OR1M1: variants seen among roughly 807,000 people sequenced by gnomAD.
The protein encoded by OR1M1 is olfactory receptor family 1 subfamily M member 1, also known as olfactory receptor 1M1.
For synonymous variants in OR1M1, 157 were observed against 165.5 expected (o/e 0.95, Z 0.39); for missense variants, 397 against 401.8 (o/e 0.99, Z 0.10).
chr19:9,091,115 C>A (rs1438557546), intron 1 of OR1M1, among the ~76,000 whole-genome samples: 2 of 151,682 alleles, frequency 1.3e-5, no homozygotes, highest in Admixed American at 6.6e-5. Context: ...TGCAGTGAGC[C>A]GAGATCGTGC....
rs1250756788 is a variant in OR1M1 at position 9,093,284 on chromosome 19, C to T, written c.40C>T (p.Leu14Phe). 1.2e-6 allele frequency: 2 copies of T among 1,613,112 alleles called. No homozygotes were observed. The highest frequency in any genetic ancestry group is 1.3e-5 in the African/African-American group (1 of 74,848). ...RNQTSASQFILLGLSEKPEQE... is the reference protein window; with the variant it reads ...RNQTSASQFIFLGLSEKPEQE... ...CCAAACCAGTGCATCTCAATTCATC[C>T]TCCTGGGACTCTCAGAAAAGCCAGA... is the stretch of plus-strand genomic sequence containing the variant. Residue 14 changes from leucine to phenylalanine, a missense_variant, in exon 2 of 2, where the codon CTC becomes TTC. Leu to Phe is a conservative substitution (Grantham distance 22). Coordinates refer to ENST00000641627, the MANE Select transcript of OR1M1 (RefSeq NM_001004456.2).
chr19:9,089,457 CT>C (rs2050281679), intron 1 of OR1M1, among the ~76,000 whole-genome samples: 1 of 136,390 alleles, frequency 7.3e-6, no homozygotes. Flanking sequence ...GAGTTTCGCT[CT>C]TGTCACCCCG....
chr19:9,088,136 C>T (rs1187057919), intron 1 of OR1M1, among the ~76,000 whole-genome samples: 1 of 152,150 alleles, frequency 6.6e-6, no homozygotes, highest in African/African-American at 2.4e-5. Context: ...GGTGATCCAC[C>T]CGCCTCAGCC....
rs923109114 is a variant in OR1M1, at chr19:9,094,153, G to T, written c.909G>T (p.Lys303Asn). The T allele has an allele frequency of 1.4e-5, 23 of 1,611,260 alleles. No homozygotes were observed. In the Admixed American group the frequency reaches 3.7e-4, roughly 26 times the overall value. ...GAGACCTGAAAGGGGCTCTCAGGAA[G>T]CTGGTCAACAGAAAGATCACCTCAT... ...RNRDLKGALR[K>N]LVNRKITSSS is the part of the protein sequence containing the mutation. The change falls in exon 2 of 2, where the codon AAG (lysine) becomes AAT (asparagine). Residue 303 changes from lysine to asparagine, a missense_variant. Lys to Asn is a moderately conservative substitution (Grantham distance 94). Coordinates refer to ENST00000641627, the MANE Select transcript of OR1M1 (RefSeq NM_001004456.2).
At chr19:9,088,009 G>A (rs918920548) in intron 1 of OR1M1, among the ~76,000 whole-genome samples, 1 of 151,994 alleles carries the variant, frequency 6.6e-6, no homozygotes, top group East Asian at 1.9e-4. Flanking sequence ...TCCTGCCTCA[G>A]CCTCCCAAGT....
rs2050273705 is a variant in OR1M1, at chr19:9,088,052, A to G, written c.-14+895A>G. 2.0e-5 allele frequency among the ~76,000 whole-genome samples: 3 copies of G among 151,636 alleles called. No homozygotes were observed. In the South Asian group the frequency reaches 6.3e-4, roughly 32 times the overall value. On this transcript the variant is annotated intron_variant, in intron 1 of 1. Transcript: ENST00000641627. ...ATTACAGATGCCCGCCACCACACCC[A>G]GCTAATTTTTGTATTTTTAGTGGAG...
intron 1 of OR1M1, among the ~76,000 whole-genome samples, chr19:9,091,059 C>G (rs1478544770): frequency 6.6e-6 from 1 of 151,756 alleles, no homozygotes; most frequent in Non-Finnish European, 1.5e-5. Flanking sequence ...CCCAGCTACT[C>G]GGGAGTCTGA....
At chr19:9,093,037 CTA>C (rs112766830) in intron 1 of OR1M1, 193 bp from the exon 2 acceptor site, 60,165 of 256,748 alleles carry the variant, frequency 0.23, 5,925 homozygotes, top group African/African-American at 0.37. Context: ...CTCTCTCTCT[CTA>C]TATATATATA....
intron 1 of OR1M1, among the ~76,000 whole-genome samples, chr19:9,092,072 C>CTTTTTTTT (rs35789114): frequency 2.5e-5 from 1 of 39,770 alleles, no homozygotes; most frequent in South Asian, 1.5e-3. Flanking sequence ...TCATGCCTGG[C>CTTTTTTTT]TTTTTTTTTT....
At chr19:9,092,148 G>A (rs2050296612) in intron 1 of OR1M1, among the ~76,000 whole-genome samples, 1 of 128,764 alleles carries the variant, frequency 7.8e-6, no homozygotes, top group Non-Finnish European at 1.5e-5. Flanking sequence ...TTGAACACCT[G>A]CATTCAAGCT....
intron 1 of OR1M1, among the ~76,000 whole-genome samples, chr19:9,092,616 C>T (rs776351046): frequency 1.7e-4 from 26 of 151,866 alleles, no homozygotes; most frequent in Admixed American, 1.1e-3. Context: ...AAAATAATAT[C>T]TTTAGCCTGG....
chr19:9,089,336 C>T (rs1384670431), intron 1 of OR1M1, among the ~76,000 whole-genome samples: 1 of 151,878 alleles, frequency 6.6e-6, no homozygotes, highest in African/African-American at 2.4e-5. Context: ...TTATAATATG[C>T]TCCAATTCTT....
Position 9,094,066 on chromosome 19 carries a change from T to C in OR1M1, c.822T>C (p.Ser274=). The part of the protein sequence containing the change: ...SVLTTVKEKA[S]AVMYTAVTPM... ...TCACCACTGTGAAGGAGAAAGCTTC[T>C]GCGGTGATGTACACAGCAGTCACCC... The change falls in exon 2 of 2, where the codon TCT becomes TCC. Residue 274 remains serine, a synonymous_variant. Coordinates refer to ENST00000641627, the MANE Select transcript of OR1M1 (RefSeq NM_001004456.2). 6.2e-7 allele frequency: 1 copy of C among 1,614,036 alleles called. No homozygotes were observed. Among genetic ancestry groups the C allele is most frequent in the Non-Finnish European group, 8.5e-7 (1 of 1,179,986 alleles).
intron 1 of OR1M1, among the ~76,000 whole-genome samples, chr19:9,090,978 AAC>A (rs2050289379): frequency 6.6e-6 from 1 of 151,720 alleles, no homozygotes; most frequent in Non-Finnish European, 1.5e-5. Context: ...CATCCTGGCT[AAC>A]ATGGTGAAAC....
intron 1 of OR1M1, among the ~76,000 whole-genome samples, chr19:9,091,007 AG>A (rs1463517904): frequency 9.2e-5 from 14 of 151,710 alleles, no homozygotes; most frequent in East Asian, 2.0e-4. Flanking sequence ...TCTACTAAAA[AG>A]TACAAAAAAT....
chr19:9,093,330 C>G lies in OR1M1; in HGVS notation c.86C>G (p.Ser29Cys). Residue 29 changes from serine to cysteine, a missense_variant, in exon 2 of 2, where the codon TCC (serine) becomes TGC (cysteine). Physicochemically the swap from Ser to Cys is moderately radical, Grantham distance 112 (BLOSUM62 -1). Transcript: ENST00000641627. ...EKPEQETLLF[S>C]LFFCMYLVMV... ...CCAGAGCAGGAGACGCTTCTCTTTT[C>G]CCTGTTCTTCTGCATGTACCTGGTC... 1 of 1,613,864 alleles carries G rather than the reference C, an allele frequency of 6.2e-7. No homozygotes were observed. Among genetic ancestry groups the G allele is most frequent in the South Asian group, 1.1e-5 (1 of 91,070 alleles).
intron 1 of OR1M1, among the ~76,000 whole-genome samples, chr19:9,090,938 G>C (rs1049601880): frequency 6.6e-6 from 1 of 151,466 alleles, no homozygotes; most frequent in Non-Finnish European, 1.5e-5. Context: ...AGGCCAAGGC[G>C]GGCAGATCAC....
At chr19:9,091,391 AT>A in intron 1 of OR1M1, among the ~76,000 whole-genome samples, 1 of 152,076 alleles carries the variant, frequency 6.6e-6, no homozygotes, top group African/African-American at 2.4e-5. Context: ...TTAATCAAGA[AT>A]TGCCACACAT....
intron 1 of OR1M1, among the ~76,000 whole-genome samples, chr19:9,090,635 T>C (rs779877782): frequency 2.0e-5 from 3 of 151,804 alleles, no homozygotes; most frequent in African/African-American, 7.2e-5. Flanking sequence ...GTTTTCTCCA[T>C]GTTGGTCAGG....
Sources: gnomAD v4.1 joint callset for allele counts (sites outside exome capture counted in the v4.1 genomes callset) on GRCh38, gnomAD v4.1.1 for gene constraint, MANE v1.5 for transcripts, NCBI Gene and HGNC (gene_info 2026-07-23, HGNC 2026-07-21) for gene names.